Variants in GLIS3 observed in about 807,000 individuals in gnomAD.
GLIS3 encodes the protein GLIS family zinc finger 3.
A neutral mutation model predicts 78.6 loss-of-function variants in GLIS3; 53 were observed. The observed-to-expected ratio is 0.67, with a 90% CI of 0.54 to 0.85. The LOEUF (loss-of-function observed/expected upper bound fraction) is 0.85. Ranked by LOEUF, GLIS3 falls within the 40% of genes least tolerant of loss-of-function variation. GLIS3 has a pLI of 0.00. For synonymous variants in GLIS3, 684 were observed against 509.9 expected (o/e 1.34, Z -4.60); for missense variants, 1,703 against 1,231.1 (o/e 1.38, Z -5.74).
chr9:4,199,158 A>G (rs1819135325), intron 2 of GLIS3, among the ~76,000 whole-genome samples: 1 of 152,156 alleles, frequency 6.6e-6, no homozygotes, highest in Non-Finnish European at 1.5e-5. Context: ...ACCCAATAGA[A>G]ACTACAAAGC....
chr9:4,350,132 C>T (rs928444194), upstream of GLIS3, among the ~76,000 whole-genome samples: 1 of 152,230 alleles, frequency 6.6e-6, no homozygotes, highest in African/African-American at 2.4e-5. Context: ...GGAGTTCCAT[C>T]ACCGCAGAGG....
chr9:3,905,676 C>T (rs2130648453), intron 6 of GLIS3, among the ~76,000 whole-genome samples: 1 of 152,278 alleles, frequency 6.6e-6, no homozygotes, highest in African/African-American at 2.4e-5. Context: ...CCCTGGTTCT[C>T]AGGATGGGGC....
At chr9:4,348,629 T>C (rs571212099), upstream of GLIS3, among the ~76,000 whole-genome samples, 44 of 152,318 alleles carry the variant, frequency 2.9e-4, no homozygotes, top group Non-Finnish European at 4.9e-4. Context: ...TGAAAGAAGG[T>C]GGGAACGAAA....
chr9:4,350,591 G>A (rs1415213940), upstream of GLIS3, among the ~76,000 whole-genome samples: 1 of 151,870 alleles, frequency 6.6e-6, no homozygotes, highest in Non-Finnish European at 1.5e-5. Context: ...TCTCTATTTT[G>A]GGGTGGGGAT....
the GLIS3 span, among the ~76,000 whole-genome samples, chr9:4,384,840 T>G: frequency 6.6e-6 from 1 of 152,082 alleles, no homozygotes; most frequent in African/African-American, 2.4e-5. Flanking sequence ...ATCCAAAACA[T>G]ATCAGATAGA....
chr9:4,478,662 A>T, the GLIS3 span, among the ~76,000 whole-genome samples: 1 of 152,076 alleles, frequency 6.6e-6, no homozygotes, highest in South Asian at 2.1e-4. Context: ...CTAATTCATT[A>T]TTGAGAAAAC....
chr9:4,052,330 T>C (rs879654513), intron 4 of GLIS3, among the ~76,000 whole-genome samples: 12 of 152,214 alleles, frequency 7.9e-5, no homozygotes, highest in Non-Finnish European at 1.2e-4. Flanking sequence ...TTTTTTGTGG[T>C]AAAATTCATG....
At chr9:3,843,647 G>A in intron 9 of GLIS3, among the ~76,000 whole-genome samples, 1 of 152,198 alleles carries the variant, frequency 6.6e-6, no homozygotes, top group South Asian at 2.1e-4. Context: ...GTATGTAAGA[G>A]TGATTTATAA....
chr9:4,423,415 G>A, the GLIS3 span, among the ~76,000 whole-genome samples: 1 of 152,026 alleles, frequency 6.6e-6, no homozygotes, highest in Non-Finnish European at 1.5e-5. Flanking sequence ...GCTGGATCCA[G>A]AGAAAGCTAC....
chr9:4,169,858 A>G (rs1440873027), intron 2 of GLIS3, among the ~76,000 whole-genome samples: 1 of 152,206 alleles, frequency 6.6e-6, no homozygotes, highest in African/African-American at 2.4e-5. Flanking sequence ...GTCTGAAATT[A>G]TATCAAAATT....
At position 3,825,084 on chromosome 9, in the gene GLIS3, A is replaced by G. The variant is rs1181215238; in HGVS notation, c.*3188T>C. On this transcript the variant is annotated 3_prime_UTR_variant, in exon 11 of 11. Transcript: ENST00000381971. Reference sequence around the variant, plus strand: ...ATTCCCAATACTTCAAGGCAACTGGAAAGTCAAGGTTCTCAGATGAGGGAG... The same window carrying G: ...ATTCCCAATACTTCAAGGCAACTGGGAAGTCAAGGTTCTCAGATGAGGGAG... 6.6e-6 allele frequency: 1 copy of G among 152,204 alleles called. No homozygotes were observed. The highest frequency in any genetic ancestry group is 2.4e-5 in the African/African-American group (1 of 41,450). The allele number at this position is 152,204 out of a possible 1,614,324, so 9.4% of individuals were successfully genotyped here.
intron 7 of GLIS3, among the ~76,000 whole-genome samples, chr9:3,886,676 C>T (rs1042937431): frequency 6.6e-6 from 1 of 152,192 alleles, no homozygotes; most frequent in African/African-American, 2.4e-5. Flanking sequence ...AGTGAAAATA[C>T]AAGGTCTGGT....
chr9:4,156,683 T>C (rs1054306531), intron 2 of GLIS3, among the ~76,000 whole-genome samples: 1 of 152,196 alleles, frequency 6.6e-6, no homozygotes, highest in Non-Finnish European at 1.5e-5. Context: ...TACATATCCT[T>C]GTGAAGGGTA....
chr9:4,253,902 C>T (rs998509029), intron 2 of GLIS3, among the ~76,000 whole-genome samples: 5 of 152,168 alleles, frequency 3.3e-5, no homozygotes, highest in Non-Finnish European at 7.3e-5. Flanking sequence ...AGGTGACGCC[C>T]CACCCTGCTT....
chr9:4,341,297 G>A (rs1227844291), intron 2 of GLIS3, among the ~76,000 whole-genome samples: 1 of 152,200 alleles, frequency 6.6e-6, no homozygotes, highest in Non-Finnish European at 1.5e-5. Context: ...GCACTCACAC[G>A]AGTGAAAGAT....
At chr9:4,359,914 G>GTATTTTCTGTATATACTTATATATACATT in the GLIS3 span, among the ~76,000 whole-genome samples, 5 of 150,690 alleles carry the variant, frequency 3.3e-5, no homozygotes, top group Non-Finnish European at 7.4e-5. Flanking sequence ...ACATATAAAT[G>GTATTTTCTGTATATACTTATATATACATT]TATTTTCTGT....
At chr9:4,074,252 C>T (rs1827870714) in intron 4 of GLIS3, among the ~76,000 whole-genome samples, 1 of 152,168 alleles carries the variant, frequency 6.6e-6, no homozygotes, top group South Asian at 2.1e-4. Context: ...AGTTTGGGTT[C>T]AGGCTGAAAC....
At chr9:4,067,299 A>G (rs1827184865) in intron 4 of GLIS3, among the ~76,000 whole-genome samples, 1 of 151,712 alleles carries the variant, frequency 6.6e-6, no homozygotes, top group Non-Finnish European at 1.5e-5. Context: ...ATAAAGTATT[A>G]TATTCTTTAT....
chr9:4,470,859 T>C, the GLIS3 span, among the ~76,000 whole-genome samples: 10 of 145,124 alleles, frequency 6.9e-5, no homozygotes, highest in East Asian at 2.0e-4. Flanking sequence ...AAAACCCCAT[T>C]GTCTCAGCCC....
Sources: allele counts gnomAD v4.1 joint callset (sites outside exome capture counted in the v4.1 genomes callset), GRCh38; gene constraint gnomAD v4.1.1; transcripts MANE v1.5; gene names NCBI Gene and HGNC (gene_info 2026-07-23, HGNC 2026-07-21).